STX3: variants seen among roughly 807,000 people sequenced by gnomAD.
The protein encoded by STX3 is syntaxin 3.
STX3 carries 19 observed loss-of-function variants against 40.2 expected under a neutral mutation model. The ratio of observed to expected loss-of-function variants is 0.47; its 90% CI spans 0.33 to 0.69. The LOEUF (loss-of-function observed/expected upper bound fraction) is 0.69, where lower values mean the gene tolerates loss of function less well. Ranked by LOEUF, STX3 falls within the 30% of genes least tolerant of loss-of-function variation. The pLI, the probability that STX3 is intolerant of heterozygous loss-of-function variation, is 0.02. For missense variants in STX3, 364 were observed against 366.7 expected (o/e 0.99, Z 0.06); for synonymous variants, 122 against 132.2 (o/e 0.92, Z 0.53).
At position 59,773,256 on chromosome 11, in the gene STX3, A is replaced by G. The variant is rs1863762597; in HGVS notation, c.76A>G (p.Ile26Val). 4 of 1,614,178 alleles carry G rather than the reference A, an allele frequency of 2.5e-6. No homozygotes were observed. Among genetic ancestry groups the G allele is most frequent in the East Asian group, 2.2e-5 (1 of 44,882 alleles). ...TGATACTGATGCGGTTGAGATTGCT[A>G]TCGACAACACGGCTTTTATGGACGA... ...DDDTDAVEIAIDNTAFMDEFF... is the reference protein window; with the variant it reads ...DDDTDAVEIAVDNTAFMDEFF... The change falls in exon 2 of 11, where the codon ATC becomes GTC. Residue 26 changes from isoleucine to valine, a missense_variant. Physicochemically the swap from Ile to Val is conservative, Grantham distance 29. Coordinates refer to ENST00000337979, the MANE Select transcript of STX3 (RefSeq NM_004177.5).
Position 59,795,409 on chromosome 11 carries a change from A to T in STX3, c.713A>T (p.His238Leu). The T allele has an allele frequency of 1.2e-6, 2 of 1,613,690 alleles. No individual in the cohort carries two copies. Among genetic ancestry groups the T allele is most frequent in the Non-Finnish European group, 1.7e-6 (2 of 1,179,894 alleles). The stretch of plus-strand genomic sequence containing the variant: ...GATAACATAGAGTTGAATGTCATGC[A>T]CACAGTGGACCACGTGGAGAAGGCA... ...MLDNIELNVM[H>L]TVDHVEKARD... is the part of the protein sequence containing the mutation. Residue 238 changes from histidine to leucine, a missense_variant, in exon 9 of 11, where the codon CAC becomes CTC. By Grantham distance (99) the His-to-Leu change is moderately conservative. Coordinates refer to ENST00000337979, the MANE Select transcript of STX3 (RefSeq NM_004177.5).
rs920012419 is a variant in STX3, at chr11:59,800,871, A to G, written c.*47A>G. 3 of 1,536,290 alleles carry G rather than the reference A, an allele frequency of 2.0e-6. No homozygotes were observed. The Admixed American group carries it at 5.9e-5, about 30-fold the overall frequency. On this transcript the variant is annotated 3_prime_UTR_variant, in exon 11 of 11. Coordinates refer to ENST00000337979, the MANE Select transcript of STX3 (RefSeq NM_004177.5). The stretch of plus-strand genomic sequence containing the variant: ...GCCTCCTAGAAACTGATTTCACTCC[A>G]GACTGGTGTGGCCACCCTTGTCTTC...
At chr11:59,775,355 G>A (rs1863906435) in intron 2 of STX3, among the ~76,000 whole-genome samples, 1 of 151,836 alleles carries the variant, frequency 6.6e-6, no homozygotes, top group Non-Finnish European at 1.5e-5. Context: ...CTCCGTGATG[G>A]GGGTGGACTT....
chr11:59,799,545 T>A, intron 10 of STX3: 6 of 565,078 alleles, frequency 1.1e-5, no homozygotes, highest in Non-Finnish European at 1.3e-5. Flanking sequence ...TTTTCTCATT[T>A]AAATTTTCTC....
At chr11:59,800,385 A>G (rs1352951846) in intron 10 of STX3, 4 of 985,340 alleles carry the variant, frequency 4.1e-6, no homozygotes, top group Non-Finnish European at 4.8e-6. Context: ...CCAAGACTAC[A>G]TAGCTCATAA....
chr11:59,789,164 G>T (rs912587041), intron 4 of STX3: 1 of 408,194 alleles, frequency 2.4e-6, no homozygotes, highest in Non-Finnish European at 4.5e-6. Context: ...GTCCAGAATT[G>T]AAGCTAGGAG....
At chr11:59,800,122 C>G in intron 10 of STX3, 1 of 985,424 alleles carries the variant, frequency 1.0e-6, no homozygotes, top group Non-Finnish European at 1.2e-6. Context: ...CTATCTTTAA[C>G]CTGCTAAATT....
rs527401709 is a variant in STX3 at position 59,803,593 on chromosome 11, G to A, written c.*2769G>A. On this transcript the variant is annotated 3_prime_UTR_variant, in exon 11 of 11. Transcript: ENST00000337979. ...TTCCTGCTAAACAGTTTGAGCCTTG[G>A]TATCTGGAAGTGACAAAAAGAACAA... Among the ~76,000 whole-genome samples the A allele has an allele frequency of 8.6e-4, 131 of 152,248 alleles. No homozygotes were observed. Among genetic ancestry groups the A allele is most frequent in the African/African-American group, 3.1e-3 (127 of 41,550 alleles).
rs1374935672 is a variant in STX3 at position 59,804,166 on chromosome 11, TATC to T, written c.*3345_*3347del. The T allele has an allele frequency of 6.6e-6, 1 of 152,180 alleles. No homozygotes were observed. The highest frequency in any genetic ancestry group is 1.5e-5 in the Non-Finnish European group (1 of 68,052). 9.4% of individuals were successfully genotyped at this position (152,180 alleles called of 1,614,324 possible). A position where few individuals can be genotyped will look rare whatever the true frequency, so the allele number is the denominator to read the frequency against. On this transcript the variant is annotated 3_prime_UTR_variant, in exon 11 of 11. Coordinates refer to ENST00000337979, the MANE Select transcript of STX3 (RefSeq NM_004177.5). Reference sequence around the variant, plus strand: ...TGCAGTATGGCTGTGAAGGGGCAGATATCATAGCACACCTAACTCAACAGGATC... The same window carrying T: ...TGCAGTATGGCTGTGAAGGGGCAGATATAGCACACCTAACTCAACAGGATC...
At chr11:59,779,408 C>G (rs1463488178) in intron 2 of STX3, among the ~76,000 whole-genome samples, 1 of 152,136 alleles carries the variant, frequency 6.6e-6, no homozygotes, top group East Asian at 1.9e-4. Flanking sequence ...CATGAGGGCT[C>G]CACCCTTACA....
intron 2 of STX3, among the ~76,000 whole-genome samples, chr11:59,783,496 A>G (rs757963503): frequency 6.6e-6 from 1 of 152,246 alleles, no homozygotes; most frequent in Non-Finnish European, 1.5e-5. Context: ...CATTTCTGAT[A>G]CAAGAATATG....
chr11:59,768,034 G>C (rs1285096550), intron 1 of STX3, among the ~76,000 whole-genome samples: 2 of 152,194 alleles, frequency 1.3e-5, no homozygotes, highest in African/African-American at 4.8e-5. Flanking sequence ...AGTTCTTACT[G>C]TGTGCTCTAC....
chr11:59,776,651 T>C (rs1242948700), intron 2 of STX3, among the ~76,000 whole-genome samples: 1 of 152,242 alleles, frequency 6.6e-6, no homozygotes, highest in Non-Finnish European at 1.5e-5. Context: ...GGTTATTTGC[T>C]GAGAGCATGA....
At chr11:59,781,421 C>T in intron 2 of STX3, 1 of 1,609,274 alleles carries the variant, frequency 6.2e-7, no homozygotes, top group Non-Finnish European at 8.5e-7. Context: ...CCTTCCCATC[C>T]CACTCCTGAT....
chr11:59,793,059 G>C (rs1325498229), intron 6 of STX3, 40 bp from the exon 7 acceptor site: 1 of 1,600,164 alleles, frequency 6.2e-7, no homozygotes. Flanking sequence ...GTGTTTCACC[G>C]TGATCTTATA....
chr11:59,763,006 T>A (rs982373454), intron 1 of STX3, among the ~76,000 whole-genome samples: 10 of 152,240 alleles, frequency 6.6e-5, no homozygotes, highest in African/African-American at 2.2e-4. Flanking sequence ...GGTTGGGCAC[T>A]GCGTCTTCTC....
chr11:59,754,678 G>A (rs533166), upstream of STX3: 18,018 of 152,138 alleles, frequency 0.12, 1,654 homozygotes, highest in African/African-American at 0.24. Context: ...AGCGAACTAC[G>A]AAGTGGGTAC....
rs548986444 is a variant in STX3, at chr11:59,794,249, G to A, written c.675+735G>A. Among the ~76,000 whole-genome samples the A allele has an allele frequency of 1.1e-4, 16 of 152,274 alleles. No homozygotes were observed. The South Asian group carries it at 3.3e-3, about 32-fold the overall frequency. On this transcript the variant is annotated intron_variant, in intron 8 of 10. Coordinates refer to ENST00000337979, the MANE Select transcript of STX3 (RefSeq NM_004177.5). ...ACTTTGTCCCAGGCATGCTTGCTCG[G>A]GATAGAATTCTGGATTGCCTGCATA...
intron 3 of STX3, 107 bp from the exon 4 acceptor site, chr11:59,788,766 C>T: frequency 2.4e-6 from 2 of 816,956 alleles, no homozygotes; most frequent in Non-Finnish European, 3.9e-6. Flanking sequence ...CCATTCTGGG[C>T]AGTGGATGCC....
Sources: allele counts gnomAD v4.1 joint callset (sites outside exome capture counted in the v4.1 genomes callset), GRCh38; gene constraint gnomAD v4.1.1; transcripts MANE v1.5; gene names NCBI Gene and HGNC (gene_info 2026-07-23, HGNC 2026-07-21).